Variants in USP46 observed in about 807,000 individuals in gnomAD.
The protein encoded by USP46 is ubiquitin specific peptidase 46.
USP46 carries 12 observed loss-of-function variants against 44.4 expected under a neutral mutation model. The observed-to-expected ratio is 0.27, with a 90% confidence interval of 0.17 to 0.44. USP46 has a LOEUF of 0.44. USP46 is among the 20% of genes least tolerant of loss of function. The pLI is 1.00. For synonymous variants in USP46, 155 were observed against 161.5 expected, an observed-to-expected ratio of 0.96 and a Z score of 0.31; for missense variants, 248 against 444.8, an observed-to-expected ratio of 0.56 and a Z score of 3.98.
intron 8 of USP46, among the ~76,000 whole-genome samples, chr4:52,598,186 G>C (rs937127607): frequency 8.5e-5 from 13 of 152,112 alleles, no homozygotes; most frequent in African/African-American, 2.4e-4. Flanking sequence ...TCAATACATA[G>C]AATGTATTGG....
intron 3 of USP46, among the ~76,000 whole-genome samples, chr4:52,626,942 G>A (rs1377698998): frequency 1.3e-5 from 2 of 152,184 alleles, no homozygotes; most frequent in African/African-American, 2.4e-5. Context: ...CAACTGGGGT[G>A]TCCTCCCAAA....
intron 4 of USP46, among the ~76,000 whole-genome samples, chr4:52,612,005 CCT>C (rs1229081066): frequency 6.6e-6 from 1 of 152,202 alleles, no homozygotes; most frequent in Admixed American, 6.5e-5. Context: ...AGCTACTCAG[CCT>C]CTGTTTCCTC....
Position 52,626,073 on chromosome 4 carries a change from T to C in USP46, c.506A>G (p.His169Arg), listed in dbSNP as rs1308159659. 3 of 1,613,858 alleles carry C rather than the reference T, an allele frequency of 1.9e-6. No homozygotes were observed. The highest frequency in any genetic ancestry group is 1.1e-5 in the South Asian group (1 of 91,082). The change falls in exon 4 of 9, where the codon CAT (histidine) becomes CGT (arginine). Residue 169 changes from histidine to arginine, a missense_variant. Physicochemically the swap from His to Arg is conservative, Grantham distance 29 (BLOSUM62 0). This residue lies in a region of USP46 where 98 missense variants were observed against 218.2 expected (regional missense o/e 0.45). Transcript: ENST00000441222. ...ENNKPELTWV[H>R]EIFQGTLTNE... The stretch of plus-strand genomic sequence containing the variant: ...GGTAAGCGTTCCCTGAAAAATCTCA[T>C]GGACCCAGGTGAGTTCTGGTTTATT...
intron 1 of USP46, among the ~76,000 whole-genome samples, chr4:52,642,827 A>T (rs1327980768): frequency 6.6e-6 from 1 of 152,236 alleles, no homozygotes; most frequent in Non-Finnish European, 1.5e-5. Flanking sequence ...AGCAAATTTG[A>T]GTTCTAGAGA....
chr4:52,621,190 C>G (rs1456775195), intron 4 of USP46, among the ~76,000 whole-genome samples: 1 of 152,040 alleles, frequency 6.6e-6, no homozygotes, highest in African/African-American at 2.4e-5. Flanking sequence ...ATGTTGATAG[C>G]AAAACCAGAC....
intron 1 of USP46, among the ~76,000 whole-genome samples, chr4:52,639,657 C>G (rs773333318): frequency 3.3e-5 from 5 of 152,136 alleles, no homozygotes; most frequent in African/African-American, 4.8e-5. Context: ...GTGGTCTTTA[C>G]CTGGGCAGCC....
rs752091039 is a variant in USP46, at chr4:52,630,754, AAG to A, written c.117+308_117+309del. Reference sequence around the variant, plus strand: ...TCTGTCTCAAAAAAAAAAAAAAAAAAAGAAAAAATCAGATTTGGCTACAAAGA... The same window carrying A: ...TCTGTCTCAAAAAAAAAAAAAAAAAAAAAAAATCAGATTTGGCTACAAAGA... On this transcript the variant is annotated intron_variant, in intron 2 of 8. Transcript: ENST00000441222. Among the ~76,000 whole-genome samples the A allele has an allele frequency of 2.1e-4, 29 of 136,072 alleles. 1 individual carries two copies. Among genetic ancestry groups the A allele is most frequent in the Non-Finnish European group, 2.6e-4 (15 of 58,028 alleles). The allele number at this position is 136,072 out of a possible 152,430, so 89.3% of individuals were successfully genotyped here.
chr4:52,592,836 TAA>T lies in USP46; in HGVS notation c.*4802_*4803del, dbSNP rs1188448959. 21 of 334,632 alleles carry T rather than the reference TAA, an allele frequency of 6.3e-5. No homozygotes were observed. The highest frequency in any genetic ancestry group is 1.3e-4 in the East Asian group (3 of 22,850). 20.7% of individuals were successfully genotyped at this position (334,632 alleles called of 1,614,324 possible). A position where few individuals can be genotyped will look rare whatever the true frequency, so the allele number is the denominator to read the frequency against. ...CCTGGGTGACAGTGAGACTCCATCT[TAA>T]AAAAAAAAAAGGAAAGAAAAGTGTG... On this transcript the variant is annotated 3_prime_UTR_variant, in exon 9 of 9. Coordinates refer to ENST00000441222, the MANE Select transcript of USP46 (RefSeq NM_022832.4).
intron 1 of USP46, among the ~76,000 whole-genome samples, chr4:52,640,968 C>G (rs532730132): frequency 1.3e-4 from 20 of 151,470 alleles, no homozygotes; most frequent in African/African-American, 2.2e-4. Context: ...ATTTCAGTCA[C>G]TTTACCTCTC....
chr4:52,632,988 A>AAAGAAAGAAAGAAAGAAAGAAAG (rs1560406196), intron 1 of USP46, among the ~76,000 whole-genome samples: 3 of 31,386 alleles, frequency 9.6e-5, no homozygotes, highest in African/African-American at 4.1e-4. Flanking sequence ...AAGAAAGAAA[A>AAAGAAAGAAAGAAAGAAAGAAAG]GAAAAGAAAG....
chr4:52,657,561 A>G (rs1719001601), intron 1 of USP46, among the ~76,000 whole-genome samples: 1 of 152,200 alleles, frequency 6.6e-6, no homozygotes, highest in Non-Finnish European at 1.5e-5. Flanking sequence ...CAGACATAAA[A>G]GAGTATTCAA....
chr4:52,632,953 A>AAAGAAAGC, intron 1 of USP46, among the ~76,000 whole-genome samples: 1 of 76,344 alleles, frequency 1.3e-5, no homozygotes, highest in Non-Finnish European at 2.5e-5. Context: ...AGAAAGAAAG[A>AAAGAAAGC]AAGAAAGAAA....
At chr4:52,638,834 CATG>C (rs1718222414) in intron 1 of USP46, among the ~76,000 whole-genome samples, 1 of 151,966 alleles carries the variant, frequency 6.6e-6, no homozygotes, top group South Asian at 2.1e-4. Flanking sequence ...CTTCCATGTG[CATG>C]ATAATTTGGA....
intron 7 of USP46, among the ~76,000 whole-genome samples, chr4:52,601,126 T>C (rs1226027885): frequency 6.6e-6 from 1 of 152,210 alleles, no homozygotes; most frequent in East Asian, 1.9e-4. Flanking sequence ...ACTCTTGCTC[T>C]ATGACATGCC....
At chr4:52,623,418 C>A (rs780379832) in intron 4 of USP46, among the ~76,000 whole-genome samples, 15 of 151,872 alleles carry the variant, frequency 9.9e-5, no homozygotes, top group Non-Finnish European at 1.9e-4. Flanking sequence ...AATGGTAACA[C>A]AAAAGACAGA....
chr4:52,622,922 C>A (rs1717433636), intron 4 of USP46, among the ~76,000 whole-genome samples: 1 of 152,204 alleles, frequency 6.6e-6, no homozygotes, highest in Non-Finnish European at 1.5e-5. Context: ...AAAGATGACC[C>A]TGCAGAGACA....
intron 1 of USP46, among the ~76,000 whole-genome samples, chr4:52,653,566 C>G (rs1718848139): frequency 6.6e-6 from 1 of 150,478 alleles, no homozygotes; most frequent in Non-Finnish European, 1.5e-5. Context: ...TAAAGACCAC[C>G]AAGGCCTTTC....
intron 5 of USP46, among the ~76,000 whole-genome samples, chr4:52,610,057 C>CTGGGA (rs1209723018): frequency 6.7e-6 from 1 of 149,062 alleles, no homozygotes; most frequent in African/African-American, 2.5e-5. Flanking sequence ...TCCCGTGTAG[C>CTGGGA]TGGGACTACA....
intron 4 of USP46, among the ~76,000 whole-genome samples, chr4:52,615,821 TAAAG>T (rs942503615): frequency 2.6e-5 from 4 of 151,972 alleles, no homozygotes; most frequent in African/African-American, 9.7e-5. Flanking sequence ...GCAAATTACT[TAAAG>T]AAAAAAAATC....
Sources: allele counts gnomAD v4.1 joint callset (sites outside exome capture counted in the v4.1 genomes callset), GRCh38; gene constraint gnomAD v4.1.1; regional missense constraint gnomAD v4.1.1; transcripts MANE v1.5; gene names NCBI Gene and HGNC (gene_info 2026-07-23, HGNC 2026-07-21).